TOX: variants seen among roughly 807,000 people sequenced by gnomAD.
TOX encodes the protein thymocyte selection-associated high mobility group box protein TOX.
In TOX, 11 loss-of-function variants were observed where a neutral mutation model predicts 53.7. The ratio of observed to expected loss-of-function variants is 0.20; its 90% CI spans 0.13 to 0.34. The LOEUF (loss-of-function observed/expected upper bound fraction) is 0.34. TOX is among the 10% of genes least tolerant of loss of function. TOX has a pLI of 1.00. For synonymous variants in TOX, 225 were observed against 245.3 expected (o/e 0.92, Z 0.77); for missense variants, 570 against 664.6 (o/e 0.86, Z 1.56).
intron 1 of TOX, among the ~76,000 whole-genome samples, chr8:59,085,979 C>CTTTTTTTTTTTTTTTTT (rs35593177): frequency 2.6e-4 from 23 of 88,816 alleles, no homozygotes; most frequent in Non-Finnish European, 4.0e-4. Context: ...CTTTTCTTTT[C>CTTTTTTTTTTTTTTTTT]TTTTTTTTTT....
chr8:59,060,398 C>T lies in TOX; in HGVS notation c.102+58488G>A, dbSNP rs1023519097. On this transcript the variant is annotated intron_variant, in intron 1 of 8. Transcript: ENST00000361421. The stretch of plus-strand genomic sequence containing the variant: ...ATCCTGGCACTTTGGGAGGCCAAGG[C>T]GGGCAGATCACGAGGTCAGGAGATT... Among the ~76,000 whole-genome samples the T allele has an allele frequency of 7.2e-5, 11 of 152,214 alleles. 1 individual carries two copies. Among genetic ancestry groups the T allele is most frequent in the South Asian group, 4.1e-4 (2 of 4,836 alleles).
At chr8:58,893,782 A>G (rs1349114) in intron 3 of TOX, among the ~76,000 whole-genome samples, 147,011 of 152,328 alleles carry the variant, frequency 0.97, 70,967 homozygotes, top group East Asian at 1. Flanking sequence ...ATACAACTGA[A>G]CATTGGACTG....
intron 1 of TOX, among the ~76,000 whole-genome samples, chr8:58,969,683 T>C (rs531258325): frequency 1.3e-5 from 2 of 152,344 alleles, no homozygotes; most frequent in Admixed American, 6.5e-5. Context: ...TCTTTGCTTA[T>C]AGCACTTCTA....
intron 1 of TOX, among the ~76,000 whole-genome samples, chr8:59,094,709 C>T (rs900113589): frequency 6.6e-6 from 1 of 152,012 alleles, no homozygotes; most frequent in Non-Finnish European, 1.5e-5. Context: ...CTGAAGCAGC[C>T]CAGAGTTTGG....
chr8:58,961,082 T>C (rs909106131), intron 1 of TOX, among the ~76,000 whole-genome samples: 1 of 152,130 alleles, frequency 6.6e-6, no homozygotes, highest in Non-Finnish European at 1.5e-5. Flanking sequence ...TCATATACTA[T>C]GAAAAAATGG....
intron 1 of TOX, among the ~76,000 whole-genome samples, chr8:58,992,304 C>T (rs1813468922): frequency 6.6e-6 from 1 of 152,148 alleles, no homozygotes; most frequent in Non-Finnish European, 1.5e-5. Flanking sequence ...CTTGGTCAGT[C>T]AAGGCACACA....
At chr8:58,958,995 C>G (rs1563401063) in intron 2 of TOX, among the ~76,000 whole-genome samples, 1 of 152,132 alleles carries the variant, frequency 6.6e-6, no homozygotes, top group Non-Finnish European at 1.5e-5. Context: ...CCAACCACTC[C>G]CAGTTATTAA....
intron 3 of TOX, among the ~76,000 whole-genome samples, chr8:58,905,068 G>A (rs911475497): frequency 3.3e-5 from 5 of 152,288 alleles, no homozygotes; most frequent in African/African-American, 1.2e-4. Context: ...GAGTAGCTGG[G>A]ACTACAGGCG....
chr8:59,043,753 G>A (rs919906418), intron 1 of TOX, among the ~76,000 whole-genome samples: 7 of 152,224 alleles, frequency 4.6e-5, no homozygotes, highest in Non-Finnish European at 5.9e-5. Flanking sequence ...GGGTAGCCCC[G>A]AGTAGTGCTA....
At chr8:58,883,021 C>T (rs189409264) in intron 3 of TOX, among the ~76,000 whole-genome samples, 26 of 152,340 alleles carry the variant, frequency 1.7e-4, no homozygotes, top group Admixed American at 1.4e-3. Flanking sequence ...GACACACACA[C>T]GTACACGACC....
chr8:58,809,591 A>G (rs1050818788), intron 7 of TOX, among the ~76,000 whole-genome samples: 1 of 152,348 alleles, frequency 6.6e-6, no homozygotes, highest in Admixed American at 6.5e-5. Context: ...GGACAATTCA[A>G]CCAGATTGGT....
At chr8:59,105,250 G>T (rs976642079) in intron 1 of TOX, among the ~76,000 whole-genome samples, 26 of 152,084 alleles carry the variant, frequency 1.7e-4, no homozygotes, top group African/African-American at 5.6e-4. Flanking sequence ...CTTAAGTGAG[G>T]CAACCGAAAT....
intron 2 of TOX, among the ~76,000 whole-genome samples, chr8:58,949,299 G>T (rs1173528488): frequency 6.6e-6 from 1 of 152,132 alleles, no homozygotes; most frequent in African/African-American, 2.4e-5. Flanking sequence ...GTGTTTAAAT[G>T]GTTGCATATT....
chr8:59,032,668 AT>A (rs1215377499), intron 1 of TOX, among the ~76,000 whole-genome samples: 2 of 152,228 alleles, frequency 1.3e-5, no homozygotes, highest in African/African-American at 4.8e-5. Flanking sequence ...CTTAAAGCTC[AT>A]GGATACCCTC....
At position 59,030,067 on chromosome 8, in the gene TOX, C is replaced by T. The variant is rs535591753; in HGVS notation, c.103-70059G>A. 4.6e-5 allele frequency among the ~76,000 whole-genome samples: 7 copies of T among 152,152 alleles called. No individual in the cohort carries two copies. The East Asian group carries it at 9.6e-4, about 21-fold the overall frequency. On this transcript the variant is annotated intron_variant, in intron 1 of 8. Coordinates refer to ENST00000361421, the MANE Select transcript of TOX (RefSeq NM_014729.3). ...CATCAAATGGGACCTTAATGAACCCCGCTGATTCCATTTAGTAAAGCATGC... is the reference window on the plus strand; with the variant it reads ...CATCAAATGGGACCTTAATGAACCCTGCTGATTCCATTTAGTAAAGCATGC...
intron 5 of TOX, among the ~76,000 whole-genome samples, chr8:58,835,615 T>C (rs1810532377): frequency 6.6e-6 from 1 of 152,200 alleles, no homozygotes; most frequent in African/African-American, 2.4e-5. Flanking sequence ...TATCTGATTT[T>C]CATCATAAGA....
rs187203820 is a variant in TOX at position 58,936,333 on chromosome 8, G to C, written c.411+2969C>G. Among the ~76,000 whole-genome samples the C allele has an allele frequency of 4.7e-3, 721 of 152,262 alleles. 2 individuals are homozygous for C. The highest frequency in any genetic ancestry group is 0.017 in the African/African-American group (697 of 41,548). ...TACTAAGTTTTATACCCAAACCAGA[G>C]TATAAAACTCTTTCAACTAAGAGTT... On this transcript the variant is annotated intron_variant, in intron 3 of 8. Transcript: ENST00000361421.
intron 1 of TOX, among the ~76,000 whole-genome samples, chr8:59,045,137 CT>C (rs1392692041): frequency 6.6e-6 from 1 of 152,114 alleles, no homozygotes; most frequent in Non-Finnish European, 1.5e-5. Context: ...CAATTTCATT[CT>C]TTTTTTCAAC....
chr8:58,955,147 C>T lies in TOX; in HGVS notation c.168+4796G>A, dbSNP rs1016768426. Among the ~76,000 whole-genome samples, 7 of 152,214 alleles carry T rather than the reference C, an allele frequency of 4.6e-5. No homozygotes were observed. In the East Asian group the frequency reaches 1.4e-3, roughly 29 times the overall value. On this transcript the variant is annotated intron_variant, in intron 2 of 8. Transcript: ENST00000361421. ...AAAACATAATATTGCTATATTTTATCATTCTTATTTTTAATCTTGAGATTT... is the reference window on the plus strand; with the variant it reads ...AAAACATAATATTGCTATATTTTATTATTCTTATTTTTAATCTTGAGATTT...
Sources: allele counts gnomAD v4.1 joint callset (sites outside exome capture counted in the v4.1 genomes callset), GRCh38; gene constraint gnomAD v4.1.1; transcripts MANE v1.5; gene names NCBI Gene and HGNC (gene_info 2026-07-23, HGNC 2026-07-21).